Variants in GFRA2 observed in about 807,000 individuals in gnomAD.
GFRA2 encodes GDNF family receptor alpha 2.
Under a neutral mutation model 48.3 loss-of-function variants are expected in GFRA2, and 17 were observed. The observed-to-expected ratio is 0.35, with a 90% CI of 0.24 to 0.53. GFRA2 has a LOEUF of 0.53. Among genes scored for constraint, GFRA2 ranks in the 20% least tolerant of loss-of-function variants. The pLI, the probability that GFRA2 is intolerant of heterozygous loss-of-function variation, is 0.93. For synonymous variants in GFRA2, 305 were observed against 257.2 expected, an observed-to-expected ratio of 1.19 and a Z score of -1.78; for missense variants, 660 against 637.3, an observed-to-expected ratio of 1.04 and a Z score of -0.38.
chr8:21,705,174 TC>T, intron 5 of GFRA2, 49 bp from the exon 6 acceptor site: 1 of 1,559,582 alleles, frequency 6.4e-7, no homozygotes, highest in Non-Finnish European at 8.7e-7. Context: ...GGTGGGGCCT[TC>T]CCCTTGGGCC....
At chr8:21,707,262 C>T (rs547230118) in intron 4 of GFRA2, among the ~76,000 whole-genome samples, 1 of 152,332 alleles carries the variant, frequency 6.6e-6, no homozygotes, top group South Asian at 2.1e-4. Flanking sequence ...GCACATATAG[C>T]ACCTCATGAA....
At chr8:21,699,798 T>C (rs1325955276) in intron 7 of GFRA2, among the ~76,000 whole-genome samples, 2 of 152,122 alleles carry the variant, frequency 1.3e-5, no homozygotes, top group Non-Finnish European at 2.9e-5. Flanking sequence ...GGAGTTTCAA[T>C]GAATCCAATG....
At chr8:21,722,544 G>A (rs1215527023) in intron 4 of GFRA2, among the ~76,000 whole-genome samples, 1 of 152,200 alleles carries the variant, frequency 6.6e-6, no homozygotes, top group Admixed American at 6.5e-5. Context: ...AAGGTCAGGT[G>A]CACAGAATAC....
intron 3 of GFRA2, among the ~76,000 whole-genome samples, chr8:21,759,448 G>A (rs1805769483): frequency 8.5e-6 from 1 of 118,076 alleles, no homozygotes; most frequent in Non-Finnish European, 1.7e-5. Flanking sequence ...GAGGGAGAGA[G>A]GGAGAGAGGG....
chr8:21,794,785 C>T (rs1407215325), intron 2 of GFRA2, among the ~76,000 whole-genome samples: 1 of 152,228 alleles, frequency 6.6e-6, no homozygotes, highest in South Asian at 2.1e-4. Flanking sequence ...ATTCCAGAGT[C>T]CCAGCCTGGA....
intron 4 of GFRA2, among the ~76,000 whole-genome samples, chr8:21,740,070 T>G (rs2117544282): frequency 6.6e-6 from 1 of 152,192 alleles, no homozygotes; most frequent in South Asian, 2.1e-4. Flanking sequence ...AGAGTCAGTA[T>G]CAAAGACCAA....
Position 21,782,898 on chromosome 8 carries a change from G to C in GFRA2, c.42C>G (p.Asp14Glu), listed in dbSNP as rs1022345858. Residue 14 changes from aspartate to glutamate, a missense_variant and splice_region_variant, in exon 2 of 9, where the codon GAC (aspartate) becomes GAG (glutamate). Asp to Glu is a conservative substitution (Grantham distance 45). Transcript: ENST00000524240. ...ANVFCLFFFL[D>E]ETLRSLASPS... ...GGCTGGCCAAAGAGCGGAGGGTCTCGTCTGGGTGGTGGGGAGGGAAGACAA... is the reference window on the plus strand; with the variant it reads ...GGCTGGCCAAAGAGCGGAGGGTCTCCTCTGGGTGGTGGGGAGGGAAGACAA... The C allele has an allele frequency of 5.8e-6, 9 of 1,550,660 alleles. No homozygotes were observed. The highest frequency in any genetic ancestry group is 2.3e-5 in the South Asian group (2 of 85,226).
At chr8:21,698,757 C>T (rs1180467109) in intron 7 of GFRA2, among the ~76,000 whole-genome samples, 1 of 151,916 alleles carries the variant, frequency 6.6e-6, no homozygotes, top group Non-Finnish European at 1.5e-5. Flanking sequence ...AGCAGACCCC[C>T]ACTCAGCACA....
Position 21,693,384 on chromosome 8 carries a change from A to G in GFRA2, c.1289T>C (p.Ile430Thr). The change falls in exon 9 of 9, where the codon ATC becomes ACC. Residue 430 changes from isoleucine to threonine, a missense_variant. Ile to Thr is a moderately conservative substitution (Grantham distance 89, BLOSUM62 -1). Coordinates refer to ENST00000524240, the MANE Select transcript of GFRA2 (RefSeq NM_001495.5). ...MCFTELTTNI[I>T]PGSNKVIKPN... Reference sequence around the variant, plus strand: ...TTTGATCACCTTGTTACTCCCTGGGATGATATTTGTCGTGAGCTGAGTCCG... The same window carrying G: ...TTTGATCACCTTGTTACTCCCTGGGGTGATATTTGTCGTGAGCTGAGTCCG... 6.2e-7 allele frequency: 1 copy of G among 1,611,694 alleles called. No individual in the cohort carries two copies. Among genetic ancestry groups the G allele is most frequent in the Non-Finnish European group, 8.5e-7 (1 of 1,178,846 alleles).
chr8:21,803,362 T>C (rs1157362110), intron 2 of GFRA2, among the ~76,000 whole-genome samples: 2 of 152,186 alleles, frequency 1.3e-5, no homozygotes, highest in Admixed American at 1.3e-4. Context: ...TGAGGAAACA[T>C]GGAATGTCTG....
chr8:21,727,665 G>C (rs1402022631), intron 4 of GFRA2, among the ~76,000 whole-genome samples: 1 of 152,142 alleles, frequency 6.6e-6, no homozygotes, highest in African/African-American at 2.4e-5. Context: ...CCAAAACAGC[G>C]GGTTGGACGC....
intron 4 of GFRA2, among the ~76,000 whole-genome samples, chr8:21,707,775 G>C (rs1802821290): frequency 1.3e-5 from 2 of 152,188 alleles, no homozygotes; most frequent in Admixed American, 1.3e-4. Context: ...TTCTGGAGAT[G>C]GATGGCAGTG....
intron 4 of GFRA2, among the ~76,000 whole-genome samples, chr8:21,713,084 G>A (rs1282188026): frequency 1.4e-5 from 2 of 146,626 alleles, no homozygotes; most frequent in South Asian, 2.2e-4. Context: ...GAGAGGGAGA[G>A]GCAGAGGGAG....
intron 4 of GFRA2, among the ~76,000 whole-genome samples, chr8:21,721,193 A>G (rs1402434349): frequency 6.6e-6 from 1 of 152,204 alleles, no homozygotes; most frequent in African/African-American, 2.4e-5. Context: ...AAATGTATCA[A>G]TGTTTCATTA....
chr8:21,721,282 C>T (rs75249108), intron 4 of GFRA2, among the ~76,000 whole-genome samples: 2,768 of 152,304 alleles, frequency 0.018, 39 homozygotes, highest in Middle Eastern at 0.048. Context: ...TTATCCTGCC[C>T]ACTGGTGGTT....
intron 2 of GFRA2, among the ~76,000 whole-genome samples, chr8:21,794,136 G>C (rs1484206021): frequency 2.6e-5 from 4 of 151,400 alleles, no homozygotes; most frequent in African/African-American, 4.9e-5. Context: ...TTACAGGCCT[G>C]AGCCACTGTG....
chr8:21,740,137 A>C (rs1804679408), intron 4 of GFRA2, among the ~76,000 whole-genome samples: 1 of 152,160 alleles, frequency 6.6e-6, no homozygotes, highest in Non-Finnish European at 1.5e-5. Context: ...GCCCAGTGTG[A>C]TGACAGAGCA....
At chr8:21,703,982 C>G (rs1802613371) in intron 6 of GFRA2, among the ~76,000 whole-genome samples, 1 of 152,264 alleles carries the variant, frequency 6.6e-6, no homozygotes, top group Non-Finnish European at 1.5e-5. Context: ...CCCACAGTAC[C>G]ACTGTCACCC....
chr8:21,710,201 A>T (rs1348737947), intron 4 of GFRA2, among the ~76,000 whole-genome samples: 2 of 152,202 alleles, frequency 1.3e-5, no homozygotes, highest in African/African-American at 4.8e-5. Context: ...GTGAACAAAC[A>T]GGGAGAGTCA....
Sources: gnomAD v4.1 joint callset for allele counts (sites outside exome capture counted in the v4.1 genomes callset) on GRCh38, gnomAD v4.1.1 for gene constraint, MANE v1.5 for transcripts, NCBI Gene and HGNC (gene_info 2026-07-23, HGNC 2026-07-21) for gene names.